Variants in DTNB observed in about 807,000 individuals in gnomAD.
The protein encoded by DTNB is dystrobrevin beta.
A neutral mutation model predicts 90.7 loss-of-function variants in DTNB; 63 were observed. The observed-to-expected ratio is 0.69, with a 90% CI of 0.57 to 0.86. The LOEUF (loss-of-function observed/expected upper bound fraction) is 0.86, where lower values mean the gene tolerates loss of function less well. Among genes scored for constraint, DTNB ranks in the 40% least tolerant of loss-of-function variants. The pLI is 0.00. For synonymous variants in DTNB, 277 were observed against 286.7 expected, an observed-to-expected ratio of 0.97 and a Z score of 0.34; for missense variants, 744 against 807.1, an observed-to-expected ratio of 0.92 and a Z score of 0.95.
intron 4 of DTNB, among the ~76,000 whole-genome samples, chr2:25,611,080 ATC>A (rs1341063889): frequency 6.6e-6 from 1 of 152,216 alleles, no homozygotes; most frequent in Non-Finnish European, 1.5e-5. Context: ...TACAAATGGA[ATC>A]TTACAGTATG....
At chr2:25,560,807 G>A (rs1476701964) in intron 8 of DTNB, among the ~76,000 whole-genome samples, 3 of 152,132 alleles carry the variant, frequency 2.0e-5, no homozygotes, top group South Asian at 2.1e-4. Context: ...AGAGAGTGTG[G>A]CTCTGCTGAC....
intron 9 of DTNB, among the ~76,000 whole-genome samples, chr2:25,485,283 C>T (rs1170600515): frequency 6.6e-6 from 1 of 152,158 alleles, no homozygotes; most frequent in Non-Finnish European, 1.5e-5. Flanking sequence ...GCTAGGATTA[C>T]AGGTGTGAGC....
chr2:25,406,578 G>C (rs1022036427), intron 16 of DTNB, among the ~76,000 whole-genome samples: 2 of 151,234 alleles, frequency 1.3e-5, no homozygotes, highest in Non-Finnish European at 1.5e-5. Context: ...GCCAACATTG[G>C]CCAACATAGT....
At position 25,490,254 on chromosome 2, in the gene DTNB, T is replaced by A. The variant is rs148977793; in HGVS notation, c.1002-7381A>T. The stretch of plus-strand genomic sequence containing the variant: ...TCAAACCACTGCACTTCAGCCTGGG[T>A]GACAGAGTGAGATCCTGTCTCGGTG... On this transcript the variant is annotated intron_variant, in intron 9 of 20. Transcript: ENST00000406818. Among the ~76,000 whole-genome samples the A allele has an allele frequency of 1.3e-4, 20 of 152,106 alleles. No homozygotes were observed. The East Asian group carries it at 3.9e-3, about 29-fold the overall frequency.
At chr2:25,622,055 A>T (rs1310437679) in intron 4 of DTNB, among the ~76,000 whole-genome samples, 3 of 151,642 alleles carry the variant, frequency 2.0e-5, no homozygotes, top group African/African-American at 7.3e-5. Flanking sequence ...AGTTTATTCC[A>T]TTTTTAAGGT....
chr2:25,539,595 T>TA (rs59007238), intron 8 of DTNB, among the ~76,000 whole-genome samples: 1 of 149,796 alleles, frequency 6.7e-6, no homozygotes, highest in African/African-American at 2.4e-5. Context: ...TTTTTTTTTT[T>TA]AACTCATTTG....
chr2:25,638,917 T>G, intron 3 of DTNB, 97 bp downstream of exon 3: 1 of 1,213,014 alleles, frequency 8.2e-7, no homozygotes, highest in East Asian at 2.7e-5. Context: ...ACAAAAATAA[T>G]TCAATTAACA....
intron 8 of DTNB, among the ~76,000 whole-genome samples, chr2:25,567,351 A>C (rs900784767): frequency 2.6e-5 from 4 of 152,234 alleles, no homozygotes; most frequent in African/African-American, 9.6e-5. Flanking sequence ...GCTTCTGACC[A>C]AGATAAGTCA....
chr2:25,613,635 C>A (rs2069279222), intron 4 of DTNB, among the ~76,000 whole-genome samples: 1 of 147,178 alleles, frequency 6.8e-6, no homozygotes, highest in African/African-American at 2.5e-5. Context: ...AAATCTTGAA[C>A]AAAATGAGCA....
chr2:25,382,282 T>G (rs1193674272), intron 19 of DTNB, among the ~76,000 whole-genome samples: 2 of 152,176 alleles, frequency 1.3e-5, no homozygotes, highest in Non-Finnish European at 2.9e-5. Flanking sequence ...TTTGTTCATT[T>G]ATTGACCTCC....
chr2:25,540,198 T>C (rs2080878212), intron 8 of DTNB, among the ~76,000 whole-genome samples: 1 of 152,192 alleles, frequency 6.6e-6, no homozygotes, highest in Admixed American at 6.5e-5. Flanking sequence ...CTGTTGGGAT[T>C]TTCATGGGAA....
At position 25,553,022 on chromosome 2, in the gene DTNB, G is replaced by A. The variant is rs986074679; in HGVS notation, c.877-21425C>T. Reference sequence around the variant, plus strand: ...ACTACAGGCGCCCGCCACCACGCCCGGCTAATTTTTTGTATTTTTAGTAGA... The same window carrying A: ...ACTACAGGCGCCCGCCACCACGCCCAGCTAATTTTTTGTATTTTTAGTAGA... On this transcript the variant is annotated intron_variant, in intron 8 of 20. Transcript: ENST00000406818. Among the ~76,000 whole-genome samples the A allele has an allele frequency of 6.0e-5, 9 of 150,846 alleles. No individual in the cohort carries two copies. The South Asian group carries it at 6.3e-4, about 11-fold the overall frequency.
rs781781184 is a variant in DTNB, at chr2:25,410,791, T to C, written c.1575+8724A>G. ...GGAATGTGCGATAAAAAGAACAATG[T>C]ATAGATAATCAATAGCTTATGTTAT... On this transcript the variant is annotated intron_variant, in intron 16 of 20. Coordinates refer to ENST00000406818, the MANE Select transcript of DTNB (RefSeq NM_021907.5). Among the ~76,000 whole-genome samples, 14 of 152,352 alleles carry C rather than the reference T, an allele frequency of 9.2e-5. No homozygotes were observed. The East Asian group carries it at 1.5e-3, about 17-fold the overall frequency.
chr2:25,654,616 A>G (rs572318116), intron 1 of DTNB, among the ~76,000 whole-genome samples: 4 of 152,352 alleles, frequency 2.6e-5, no homozygotes, highest in African/African-American at 9.6e-5. Flanking sequence ...TTCTAACAAT[A>G]GTTTTCTTTA....
At chr2:25,622,522 A>G (rs563647141) in intron 4 of DTNB, among the ~76,000 whole-genome samples, 1 of 152,322 alleles carries the variant, frequency 6.6e-6, no homozygotes, top group South Asian at 2.1e-4. Flanking sequence ...ACATACCTTT[A>G]TAATGGCCAG....
chr2:25,626,111 G>C (rs1446347767), intron 4 of DTNB, among the ~76,000 whole-genome samples: 1 of 152,146 alleles, frequency 6.6e-6, no homozygotes, highest in African/African-American at 2.4e-5. Context: ...TGTTAGAGCA[G>C]CCCAGTAGAC....
intron 3 of DTNB, among the ~76,000 whole-genome samples, chr2:25,628,985 G>T (rs1000138233): frequency 5.3e-5 from 8 of 152,128 alleles, no homozygotes; most frequent in African/African-American, 1.7e-4. Context: ...AATAAAGTAG[G>T]CGCGGTAGCT....
At chr2:25,612,239 T>C (rs2068832278) in intron 4 of DTNB, among the ~76,000 whole-genome samples, 1 of 151,868 alleles carries the variant, frequency 6.6e-6, no homozygotes, top group South Asian at 2.1e-4. Flanking sequence ...CAAGGCAGAC[T>C]AAGGGGAAAA....
intron 8 of DTNB, among the ~76,000 whole-genome samples, chr2:25,566,871 G>A (rs2059123507): frequency 6.6e-6 from 1 of 152,218 alleles, no homozygotes; most frequent in South Asian, 2.1e-4. Context: ...GTGCTAAAGG[G>A]AAGTGAGCTG....
Sources: allele counts gnomAD v4.1 joint callset (sites outside exome capture counted in the v4.1 genomes callset), GRCh38; gene constraint gnomAD v4.1.1; transcripts MANE v1.5; gene names NCBI Gene and HGNC (gene_info 2026-07-23, HGNC 2026-07-21).